Variants in USP35 observed in about 807,000 individuals in gnomAD.
USP35 encodes the protein ubiquitin carboxyl-terminal hydrolase 35.
In USP35, 69 loss-of-function variants were observed where a neutral mutation model predicts 83.8. The ratio of observed to expected loss-of-function variants is 0.82; its 90% CI spans 0.68 to 1.01. The LOEUF is 1.01. USP35 is among the 50% of genes least tolerant of loss of function. The pLI, the probability that USP35 is intolerant of heterozygous loss-of-function variation, is 0.00. For missense variants in USP35, 1,503 were observed against 1,362.5 expected, an observed-to-expected ratio of 1.10 and a Z score of -1.62; for synonymous variants, 714 against 589.5, an observed-to-expected ratio of 1.21 and a Z score of -3.06.
In USP35 at chr11:78,209,598, CTG is replaced by C; in HGVS notation, c.1744_1745del (p.Cys582LeufsTer22). Reference protein sequence around the residue: ...GKIVTRICCLCCLNVSSREEA... With the variant: ...GKIVTRICCLXCLNVSSREEA... ...AGATAGTGACTCGGATCTGCTGTCT[CTG>C]CTGCCTCAACGTCTCCTCCCGGGAG... On this transcript the variant is annotated frameshift_variant, in exon 10 of 11. Transcript: ENST00000529308. LOFTEE classifies it high-confidence loss of function. The C allele has an allele frequency of 6.2e-7, 1 of 1,614,136 alleles. No homozygotes were observed. Among genetic ancestry groups the C allele is most frequent in the Non-Finnish European group, 8.5e-7 (1 of 1,180,004 alleles).
rs757574250 is a variant in USP35 at position 78,209,675 on chromosome 11, G to A, written c.1820G>A (p.Arg607His). The change falls in exon 10 of 11, where the codon CGC becomes CAC. Residue 607 changes from arginine to histidine, a missense_variant. By Grantham distance (29) the Arg-to-His change is conservative. Transcript: ENST00000529308. Reference sequence around the variant, plus strand: ...GCCTTCCCTCCTCCTGAGCGCTGTCGCCGCCGCCGCCTGGGCTCTGTGATG... The same window carrying A: ...GCCTTCCCTCCTCCTGAGCGCTGTCACCGCCGCCGCCTGGGCTCTGTGATG... ...SLAFPPPERC[R>H]RRRLGSVMRP... 7.7e-5 allele frequency: 125 copies of A among 1,613,368 alleles called. 1 individual carries two copies. Among genetic ancestry groups the A allele is most frequent in the Middle Eastern group, 1.6e-4 (1 of 6,082 alleles).
chr11:78,221,566 ACAAGGAGTC>A, the USP35 span: 18 of 587,230 alleles, frequency 3.1e-5, no homozygotes, highest in South Asian at 4.3e-4. Flanking sequence ...CATGAATAAT[ACAAGGAGTC>A]CCTGGGCTGA....
At chr11:78,199,284 G>A (rs1413490962) in intron 3 of USP35, 6 of 335,034 alleles carry the variant, frequency 1.8e-5, no homozygotes, top group African/African-American at 1.0e-4. Context: ...CAGGGGCAGT[G>A]CCCTTCCAGG....
Position 78,210,430 on chromosome 11 carries a change from G to A in USP35, c.2575G>A (p.Glu859Lys), listed in dbSNP as rs1468367684. The A allele has an allele frequency of 6.2e-7, 1 of 1,614,156 alleles. No individual in the cohort carries two copies. Among genetic ancestry groups the A allele is most frequent in the East Asian group, 2.2e-5 (1 of 44,880 alleles). The change falls in exon 10 of 11, where the codon GAG (glutamate) becomes AAG (lysine). Residue 859 changes from glutamate (E) to lysine (K), a missense_variant. By Grantham distance (56) the Glu-to-Lys change is moderately conservative. Coordinates refer to ENST00000529308, the MANE Select transcript of USP35 (RefSeq NM_020798.4). ...GGTGGTGCACTCTGGAGTGTCTTCG[G>A]AGAGTGGTCACTACTACTGCTATGC... is the stretch of plus-strand genomic sequence containing the variant. ...SVVVHSGVSS[E>K]SGHYYCYARE... is the part of the protein sequence containing the mutation.
intron 5 of USP35, among the ~76,000 whole-genome samples, 196 bp from the exon 6 acceptor site, chr11:78,200,454 G>A (rs541884088): frequency 6.6e-6 from 1 of 152,330 alleles, no homozygotes; most frequent in Middle Eastern, 3.4e-3. Context: ...ACTGAGGCAG[G>A]GTGTCTTAGA....
intron 6 of USP35, 110 bp from the exon 7 acceptor site, chr11:78,205,731 TG>T: frequency 8.3e-7 from 1 of 1,209,734 alleles, no homozygotes; most frequent in Non-Finnish European, 1.2e-6. Context: ...GGGGTGTGCC[TG>T]GGAGGCCTTG....
intron 1 of USP35, among the ~76,000 whole-genome samples, chr11:78,191,340 T>TG (rs1366728260): frequency 1.3e-5 from 2 of 152,214 alleles, no homozygotes; most frequent in East Asian, 3.9e-4. Context: ...GCTCACTGCG[T>TG]GCCTTGGAGT....
At chr11:78,207,501 A>AC (rs1863567469) in intron 7 of USP35, 29 bp from the exon 8 acceptor site, 1 of 1,611,458 alleles carries the variant, frequency 6.2e-7, no homozygotes, top group Non-Finnish European at 8.5e-7. Context: ...CCCATGGCTT[A>AC]CCCTGGGTGC....
the USP35 span, among the ~76,000 whole-genome samples, chr11:78,237,108 G>C: frequency 6.6e-6 from 1 of 152,130 alleles, no homozygotes; most frequent in Non-Finnish European, 1.5e-5. Context: ...GAAAGACTGT[G>C]GGTAAGATTG....
Position 78,205,380 on chromosome 11 carries a change from A to T in USP35, c.1198-462A>T, listed in dbSNP as rs117772593. On this transcript the variant is annotated intron_variant, in intron 6 of 10. Coordinates refer to ENST00000529308, the MANE Select transcript of USP35 (RefSeq NM_020798.4). ...AGGTAGGAGTATCATCACTTGACAG[A>T]TGAGGAAACTGAATCAGAGAGCCTC... 7.0e-3 allele frequency among the ~76,000 whole-genome samples: 1,069 copies of T among 152,352 alleles called. 8 individuals are homozygous for T. Among genetic ancestry groups the T allele is most frequent in the Middle Eastern group, 0.017 (5 of 294 alleles).
downstream of USP35, chr11:78,215,451 T>TAAAAA (rs564742801): frequency 1.3e-5 from 2 of 152,316 alleles, no homozygotes; most frequent in African/African-American, 2.4e-5. Context: ...TGTTACAATT[T>TAAAAA]AAAAAAAAGA....
At chr11:78,216,057 T>TC (rs2134439977), downstream of USP35, 1 of 152,630 alleles carries the variant, frequency 6.6e-6, no homozygotes, top group African/African-American at 2.4e-5. Context: ...CCCACCCCAA[T>TC]CCCCCAGAAA....
At chr11:78,222,514 A>G in the USP35 span, among the ~76,000 whole-genome samples, 1 of 148,398 alleles carries the variant, frequency 6.7e-6, no homozygotes, top group Non-Finnish European at 1.5e-5. Flanking sequence ...ATAAAAGACT[A>G]TATATAAAAT....
At chr11:78,233,005 C>G in the USP35 span, among the ~76,000 whole-genome samples, 1 of 149,370 alleles carries the variant, frequency 6.7e-6, no homozygotes, top group Non-Finnish European at 1.5e-5. Context: ...GGATTAAAGT[C>G]TATTCATATA....
chr11:78,233,176 G>C, the USP35 span, among the ~76,000 whole-genome samples: 1 of 151,672 alleles, frequency 6.6e-6, no homozygotes, highest in African/African-American at 2.4e-5. Context: ...AGTAGCTGGG[G>C]CTACAGGCAT....
chr11:78,210,440 A>G lies in USP35; in HGVS notation c.2585A>G (p.His862Arg), dbSNP rs1003090623. The G allele has an allele frequency of 6.2e-7, 1 of 1,614,202 alleles. No homozygotes were observed. The highest frequency in any genetic ancestry group is 1.3e-5 in the African/African-American group (1 of 75,074). ...VHSGVSSESG[H>R]YYCYAREGAA... ...TCTGGAGTGTCTTCGGAGAGTGGTC[A>G]CTACTACTGCTATGCCCGTGAGGGC... Residue 862 changes from histidine (H) to arginine (R), a missense_variant, in exon 10 of 11, where the codon CAC becomes CGC. Coordinates refer to ENST00000529308, the MANE Select transcript of USP35 (RefSeq NM_020798.4).
intron 6 of USP35, 105 bp from the exon 7 acceptor site, chr11:78,205,737 G>A (rs1565399829): frequency 1.6e-6 from 2 of 1,275,240 alleles, no homozygotes; most frequent in East Asian, 2.4e-5. Context: ...TGCCTGGGAG[G>A]CCTTGGGGTT....
chr11:78,216,403 C>T, downstream of USP35: 1 of 152,310 alleles, frequency 6.6e-6, no homozygotes. Flanking sequence ...CCAGTTTTTT[C>T]AACTGAGTTG....
Position 78,209,608 on chromosome 11 carries a change from A to G in USP35, c.1753A>G (p.Asn585Asp). The change falls in exon 10 of 11, where the codon AAC (asparagine) becomes GAC (aspartate). Residue 585 changes from asparagine to aspartate, a missense_variant. Coordinates refer to ENST00000529308, the MANE Select transcript of USP35 (RefSeq NM_020798.4). ...TCGGATCTGCTGTCTCTGCTGCCTC[A>G]ACGTCTCCTCCCGGGAGGAGGCCTT... ...VTRICCLCCL[N>D]VSSREEAFTD... The G allele has an allele frequency of 6.2e-7, 1 of 1,613,960 alleles. No individual in the cohort carries two copies. Among genetic ancestry groups the G allele is most frequent in the Non-Finnish European group, 8.5e-7 (1 of 1,179,962 alleles).
Sources: allele counts gnomAD v4.1 joint callset (sites outside exome capture counted in the v4.1 genomes callset), GRCh38; gene constraint gnomAD v4.1.1; transcripts MANE v1.5; gene names NCBI Gene and HGNC (gene_info 2026-07-23, HGNC 2026-07-21).